The following FBN1 variants were observed in gnomAD, a reference collection of about 807,000 sequenced individuals.
FBN1 encodes the protein fibrillin 1.
FBN1 carries 29 observed loss-of-function variants against 365.1 expected under a neutral mutation model. That is an observed-to-expected ratio of 0.08 (90% CI 0.06 to 0.11). The LOEUF (loss-of-function observed/expected upper bound fraction) is 0.11, where lower values mean the gene tolerates loss of function less well. Among genes scored for constraint, FBN1 ranks in the 10% least tolerant of loss-of-function variants. The probability of loss-of-function intolerance (pLI) is 1.00; values close to 1 mark genes in which losing one functional copy is unlikely to be tolerated. For missense variants in FBN1, 2,476 were observed against 3,703.2 expected (o/e 0.67, Z 8.60); for synonymous variants, 1,210 against 1,270.5 (o/e 0.95, Z 1.01).
chr15:48,490,151 T>C (rs779230368), intron 24 of FBN1, 73 bp from the exon 25 acceptor site: 11 of 1,234,878 alleles, frequency 8.9e-6, no homozygotes, highest in Admixed American at 1.8e-5. Context: ...AACACTCTGT[T>C]AGGTAAAATA....
At chr15:48,538,794 T>C (rs772079399) in intron 6 of FBN1, among the ~76,000 whole-genome samples, 9 of 152,178 alleles carry the variant, frequency 5.9e-5, no homozygotes, top group Non-Finnish European at 1.2e-4. Context: ...AACATTTGCA[T>C]GCTTCCAGGT....
rs1597507598 is a variant in FBN1, at chr15:48,412,575, A to G, written c.8220T>C (p.Asn2740=). Residue 2740 remains asparagine, a synonymous_variant, in exon 65 of 66, where the codon AAT becomes AAC. Coordinates refer to ENST00000316623, the MANE Select transcript of FBN1 (RefSeq NM_000138.5). ...AAACTAACTTCTGACCCACCTCGAT[A>G]TTGGAGGCATCAGTTTCGTTTGTGC... ...RRSTNETDAS[N]IEDQSETEAN... is the part of the protein sequence containing the mutation. 3 of 1,613,986 alleles carry G rather than the reference A, an allele frequency of 1.9e-6. No individual in the cohort carries two copies. The highest frequency in any genetic ancestry group is 3.3e-4 in the Middle Eastern group (2 of 6,062).
Position 48,447,793 on chromosome 15 carries a change from A to T in FBN1, c.5672-971T>A, listed in dbSNP as rs1283056629. Among the ~76,000 whole-genome samples, 3 of 152,294 alleles carry T rather than the reference A, an allele frequency of 2.0e-5. No individual in the cohort carries two copies. The East Asian group carries it at 5.8e-4, about 29-fold the overall frequency. On this transcript the variant is annotated intron_variant, in intron 46 of 65. Coordinates refer to ENST00000316623, the MANE Select transcript of FBN1 (RefSeq NM_000138.5). ...TCTGTGATTCCTGAATCAGGAAGCTATTGCTAACCCAAAGGGACTCTAATG... is the reference window on the plus strand; with the variant it reads ...TCTGTGATTCCTGAATCAGGAAGCTTTTGCTAACCCAAAGGGACTCTAATG...
chr15:48,540,686 T>C (rs1037643151), intron 6 of FBN1, among the ~76,000 whole-genome samples: 2 of 152,172 alleles, frequency 1.3e-5, no homozygotes, highest in African/African-American at 4.8e-5. Flanking sequence ...ATCACAGCAG[T>C]GTAATCTTTT....
chr15:48,591,324 T>C (rs1195461881), intron 6 of FBN1, among the ~76,000 whole-genome samples: 1 of 152,144 alleles, frequency 6.6e-6, no homozygotes, highest in Non-Finnish European at 1.5e-5. Flanking sequence ...CACACACTGA[T>C]TTGAATGTAT....
At chr15:48,440,968 GA>G (rs1294544947) in intron 50 of FBN1, among the ~76,000 whole-genome samples, 1 of 150,546 alleles carries the variant, frequency 6.6e-6, no homozygotes, top group African/African-American at 2.4e-5. Flanking sequence ...GCTACAAGTG[GA>G]AAAAAAAGAA....
chr15:48,538,298 A>G (rs2044030382), intron 6 of FBN1, among the ~76,000 whole-genome samples: 1 of 152,222 alleles, frequency 6.6e-6, no homozygotes, highest in African/African-American at 2.4e-5. Flanking sequence ...GAGGCAAGTC[A>G]TGGCACCTTC....
intron 30 of FBN1, 104 bp from the exon 31 acceptor site, chr15:48,484,047 T>C (rs2043486626): frequency 4.4e-6 from 5 of 1,136,292 alleles, no homozygotes; most frequent in Non-Finnish European, 6.5e-6. Context: ...CCTACTAGCA[T>C]AAGACTATTA....
intron 40 of FBN1, among the ~76,000 whole-genome samples, chr15:48,465,341 TTC>T (rs1278459911): frequency 6.6e-6 from 1 of 152,206 alleles, no homozygotes. Flanking sequence ...CAGAATAAGA[TTC>T]TGTTTTTCTC....
At chr15:48,483,732 T>C (rs1429707324) in intron 31 of FBN1, 86 bp downstream of exon 31, 6 of 1,505,780 alleles carry the variant, frequency 4.0e-6, no homozygotes, top group East Asian at 4.5e-5. Context: ...GGAATCTTTC[T>C]ATCACTGACC....
chr15:48,508,308 C>T (rs917796333), intron 15 of FBN1, among the ~76,000 whole-genome samples: 1 of 152,150 alleles, frequency 6.6e-6, no homozygotes, highest in Non-Finnish European at 1.5e-5. Flanking sequence ...TGTTGGAAGA[C>T]CAATAGGCAG....
At position 48,537,605 on chromosome 15, in the gene FBN1, G is replaced by GT. The variant is rs1480356274; in HGVS notation, c.736+5dup. On this transcript the variant is annotated splice_donor_region_variant and intron_variant, in intron 7 of 65. Coordinates refer to ENST00000316623, the MANE Select transcript of FBN1 (RefSeq NM_000138.5). ...TCCATTAATAATTCCATCAGCCCGG[G>GT]TTTACCTTGACAAGCTCCCGTGCGG... 2 of 1,614,032 alleles carry GT rather than the reference G, an allele frequency of 1.2e-6. No individual in the cohort carries two copies. The highest frequency in any genetic ancestry group is 1.7e-6 in the Non-Finnish European group (2 of 1,180,026).
intron 7 of FBN1, 117 bp downstream of exon 7, chr15:48,537,494 G>A (rs568958528): frequency 5.4e-6 from 7 of 1,287,978 alleles, no homozygotes; most frequent in African/African-American, 4.4e-5. Flanking sequence ...TGCAGTCAGC[G>A]AAATTGTGAA....
Position 48,470,735 on chromosome 15 carries a change from G to A in FBN1, c.4358C>T (p.Pro1453Leu), listed in dbSNP as rs368650399. The stretch of plus-strand genomic sequence containing the variant: ...GCAAGTTCCAAAGACACAGATGTTC[G>A]GAAGGGAGCACTCATCAATATCTTG... ...ACEDIDECSL[P>L]NICVFGTCHN... is the part of the protein sequence containing the mutation. The change falls in exon 36 of 66, where the codon CCG becomes CTG. Residue 1453 changes from proline (P) to leucine (L), a missense_variant. Physicochemically the swap from Pro to Leu is moderately conservative, Grantham distance 98. Transcript: ENST00000316623. 93 of 1,613,884 alleles carry A rather than the reference G, an allele frequency of 5.8e-5. No individual in the cohort carries two copies. The highest frequency in any genetic ancestry group is 6.5e-5 in the Non-Finnish European group (77 of 1,180,004).
chr15:48,596,402 G>A (rs898465441), intron 5 of FBN1, 24 bp from the exon 6 acceptor site: 27 of 1,599,904 alleles, frequency 1.7e-5, no homozygotes, highest in South Asian at 2.2e-5. Flanking sequence ...AGAGAGCTGA[G>A]ACGCTTTACC....
In FBN1 at chr15:48,514,763, G is replaced by A. The variant is rs377318842; in HGVS notation, c.1468+624C>T. The stretch of plus-strand genomic sequence containing the variant: ...CTTTTAATGGTAGGGCTTTTGGTAG[G>A]GTGTCTTAAATTGGAGTTACCAGAA... On this transcript the variant is annotated intron_variant, in intron 12 of 65. Coordinates refer to ENST00000316623, the MANE Select transcript of FBN1 (RefSeq NM_000138.5). 8.5e-5 allele frequency among the ~76,000 whole-genome samples: 13 copies of A among 152,142 alleles called. No individual in the cohort carries two copies. In the East Asian group the frequency reaches 1.9e-3, roughly 23 times the overall value.
chr15:48,503,994 C>A, intron 16 of FBN1, 55 bp from the exon 17 acceptor site: 2 of 1,607,612 alleles, frequency 1.2e-6, no homozygotes, highest in Non-Finnish European at 1.7e-6. Flanking sequence ...GATGAGAACC[C>A]CCCAAGTCAA....
chr15:48,575,319 ATATGTATG>A (rs56083230), intron 6 of FBN1, among the ~76,000 whole-genome samples: 6,083 of 149,766 alleles, frequency 0.041, 311 homozygotes, highest in East Asian at 0.23. Context: ...ATGTATTTAC[ATATGTATG>A]TATGTATGTA....
chr15:48,551,636 C>T (rs2044142851), intron 6 of FBN1, among the ~76,000 whole-genome samples: 1 of 152,010 alleles, frequency 6.6e-6, no homozygotes, highest in Admixed American at 6.6e-5. Flanking sequence ...AGCCTAGTTC[C>T]CATTAGTTGT....
Sources: allele counts gnomAD v4.1 joint callset (sites outside exome capture counted in the v4.1 genomes callset), GRCh38; gene constraint gnomAD v4.1.1; transcripts MANE v1.5; gene names NCBI Gene and HGNC (gene_info 2026-07-23, HGNC 2026-07-21).